Variants in CHN1 observed in about 807,000 individuals in gnomAD.
The protein encoded by CHN1 is chimerin 1, also known as N-chimaerin.
CHN1 carries 37 observed loss-of-function variants against 59.5 expected under a neutral mutation model. The observed-to-expected ratio is 0.62, with a 90% CI of 0.48 to 0.82. CHN1 has a LOEUF of 0.82. Ranked by LOEUF, CHN1 falls within the 40% of genes least tolerant of loss-of-function variation. The pLI is 0.00. For synonymous variants in CHN1, 206 were observed against 200.4 expected, an observed-to-expected ratio of 1.03 and a Z score of -0.24; for missense variants, 469 against 571.0, an observed-to-expected ratio of 0.82 and a Z score of 1.82.
intron 8 of CHN1, among the ~76,000 whole-genome samples, chr2:174,813,708 T>C (rs187620919): frequency 6.6e-6 from 1 of 152,334 alleles, no homozygotes; most frequent in East Asian, 1.9e-4. Context: ...TTTAAGTTCA[T>C]AAAAACTTTA....
chr2:174,883,075 A>G (rs1687782676), intron 5 of CHN1, among the ~76,000 whole-genome samples: 1 of 152,252 alleles, frequency 6.6e-6, no homozygotes, highest in East Asian at 1.9e-4. Flanking sequence ...TCAGTGAAGA[A>G]GAAATCCAAT....
rs1425564195 is a variant in CHN1, at chr2:174,895,025, T to C, written c.261-16897A>G. Among the ~76,000 whole-genome samples the C allele has an allele frequency of 4.1e-5, 6 of 147,896 alleles. No individual in the cohort carries two copies. The East Asian group carries it at 1.2e-3, about 29-fold the overall frequency. Reference sequence around the variant, plus strand: ...TAGCTCATTATCAGCTGGAAAAACATAGTATATACACACACACACGCGCGC... The same window carrying C: ...TAGCTCATTATCAGCTGGAAAAACACAGTATATACACACACACACGCGCGC... On this transcript the variant is annotated intron_variant, in intron 5 of 12. Transcript: ENST00000409900.
Position 174,822,995 on chromosome 2 carries a change from G to C in CHN1, c.712+1439C>G, listed in dbSNP as rs142183521. Among the ~76,000 whole-genome samples the C allele has an allele frequency of 5.5e-3, 843 of 152,272 alleles. 6 individuals carry two copies. Among genetic ancestry groups the C allele is most frequent in the African/African-American group, 0.019 (805 of 41,558 alleles). The stretch of plus-strand genomic sequence containing the variant: ...CTTATTACATTTTAGTGATACTAAG[G>C]GAATAATAACTGAAAGAAGAGCGAC... On this transcript the variant is annotated intron_variant, in intron 8 of 12. Coordinates refer to ENST00000409900, the MANE Select transcript of CHN1 (RefSeq NM_001822.7).
chr2:174,991,905 A>G (rs1691558138), intron 1 of CHN1, among the ~76,000 whole-genome samples: 1 of 152,262 alleles, frequency 6.6e-6, no homozygotes, highest in Admixed American at 6.5e-5. Flanking sequence ...GGAATACAGA[A>G]ATGAAAAAGA....
chr2:174,889,757 T>C (rs1201051756), intron 5 of CHN1, among the ~76,000 whole-genome samples: 1 of 152,092 alleles, frequency 6.6e-6, no homozygotes, highest in East Asian at 1.9e-4. Context: ...AATATATGCA[T>C]TATGGGAATT....
At chr2:174,840,587 A>G (rs774461659) in intron 7 of CHN1, among the ~76,000 whole-genome samples, 25 of 152,080 alleles carry the variant, frequency 1.6e-4, no homozygotes, top group Non-Finnish European at 3.4e-4. Context: ...GTCTCCTCCC[A>G]TGTCTAACAG....
chr2:174,945,275 C>T, intron 2 of CHN1: 1 of 375,452 alleles, frequency 2.7e-6, no homozygotes. Flanking sequence ...TGATATAAAC[C>T]AATAATGGTT....
chr2:174,821,727 A>G lies in CHN1; in HGVS notation c.712+2707T>C, dbSNP rs1393056194. ...ATCTTGGAAGCAGAGTTGGACCCTTACCAGACACTGAACCTGCTGCCAGCT... is the reference window on the plus strand; with the variant it reads ...ATCTTGGAAGCAGAGTTGGACCCTTGCCAGACACTGAACCTGCTGCCAGCT... On this transcript the variant is annotated intron_variant, in intron 8 of 12. Transcript: ENST00000409900. 6 of 463,792 alleles carry G rather than the reference A, an allele frequency of 1.3e-5. No individual in the cohort carries two copies. In the East Asian group the frequency reaches 3.7e-4, roughly 28 times the overall value. The allele number at this position is 463,792 out of a possible 1,614,324, so 28.7% of individuals were successfully genotyped here.
intron 3 of CHN1, among the ~76,000 whole-genome samples, chr2:174,940,677 G>A (rs1029773470): frequency 3.9e-5 from 6 of 152,068 alleles, no homozygotes; most frequent in Non-Finnish European, 7.4e-5. Context: ...AGGTGATACC[G>A]TGTGTTTCAC....
In CHN1 at chr2:174,964,889, T is replaced by C. The variant is rs543804778; in HGVS notation, c.20-12687A>G. On this transcript the variant is annotated intron_variant, in intron 1 of 12. Coordinates refer to ENST00000409900, the MANE Select transcript of CHN1 (RefSeq NM_001822.7). Reference sequence around the variant, plus strand: ...TCTTGCTTTTTTAAACTCAAAGGTATAGATTTTAAACAAGATTTAGTGTTA... The same window carrying C: ...TCTTGCTTTTTTAAACTCAAAGGTACAGATTTTAAACAAGATTTAGTGTTA... 3.9e-5 allele frequency among the ~76,000 whole-genome samples: 6 copies of C among 152,334 alleles called. No homozygotes were observed. The South Asian group carries it at 1.2e-3, about 32-fold the overall frequency.
intron 5 of CHN1, among the ~76,000 whole-genome samples, chr2:174,892,234 T>C (rs552159037): frequency 6.6e-6 from 1 of 152,338 alleles, no homozygotes; most frequent in Non-Finnish European, 1.5e-5. Context: ...AGTGTTATTA[T>C]TTGAATGTTT....
At chr2:174,807,892 CA>C (rs1426468820) in intron 11 of CHN1, among the ~76,000 whole-genome samples, 1 of 152,120 alleles carries the variant, frequency 6.6e-6, no homozygotes, top group Non-Finnish European at 1.5e-5. Flanking sequence ...ATGAAGACAA[CA>C]TATGGTTTTA....
intron 7 of CHN1, among the ~76,000 whole-genome samples, chr2:174,841,596 G>C (rs1217992549): frequency 1.3e-5 from 2 of 152,048 alleles, no homozygotes; most frequent in African/African-American, 4.8e-5. Context: ...TTGAGAACTG[G>C]GGAAAGAGTG....
At chr2:174,834,593 T>C (rs1279909589) in intron 7 of CHN1, among the ~76,000 whole-genome samples, 2 of 152,232 alleles carry the variant, frequency 1.3e-5, no homozygotes, top group African/African-American at 4.8e-5. Context: ...CTCCATTGTC[T>C]TGCATAGTTT....
At chr2:174,834,379 T>C (rs991889835) in intron 7 of CHN1, among the ~76,000 whole-genome samples, 1 of 152,198 alleles carries the variant, frequency 6.6e-6, no homozygotes, top group Middle Eastern at 3.2e-3. Context: ...CTTTGTGTAG[T>C]TCTAAATTTC....
At chr2:174,994,531 A>G (rs1342555458) in intron 1 of CHN1, among the ~76,000 whole-genome samples, 1 of 152,180 alleles carries the variant, frequency 6.6e-6, no homozygotes, top group Non-Finnish European at 1.5e-5. Context: ...AGGGAACTTC[A>G]TCCAATGGGG....
intron 5 of CHN1, among the ~76,000 whole-genome samples, chr2:174,890,048 A>G: frequency 6.6e-6 from 1 of 152,222 alleles, no homozygotes; most frequent in East Asian, 1.9e-4. Flanking sequence ...AACAATTAAC[A>G]AAATGGCAAT....
chr2:174,911,216 T>A (rs983187052), intron 5 of CHN1, among the ~76,000 whole-genome samples: 13 of 152,314 alleles, frequency 8.5e-5, no homozygotes, highest in African/African-American at 3.1e-4. Context: ...TTATAAAACA[T>A]ATCTTTTAAA....
intron 1 of CHN1, among the ~76,000 whole-genome samples, chr2:174,985,756 G>A (rs1200044413): frequency 1.3e-5 from 2 of 152,148 alleles, no homozygotes; most frequent in Non-Finnish European, 2.9e-5. Context: ...ATTTCAAGGA[G>A]TCTTGACTAA....
Sources: gnomAD v4.1 joint callset for allele counts (sites outside exome capture counted in the v4.1 genomes callset) on GRCh38, gnomAD v4.1.1 for gene constraint, MANE v1.5 for transcripts, NCBI Gene and HGNC (gene_info 2026-07-23, HGNC 2026-07-21) for gene names.